The following TNFSF4 variants were observed in gnomAD, a reference collection of about 807,000 sequenced individuals.
The protein encoded by TNFSF4 is TNF superfamily member 4, also known as tumor necrosis factor ligand superfamily member 4.
TNFSF4 carries 4 observed loss-of-function variants against 7.3 expected under a neutral mutation model. The ratio of observed to expected loss-of-function variants is 0.55; its 90% CI spans 0.27 to 1.25. The LOEUF (loss-of-function observed/expected upper bound fraction) is 1.25, where lower values mean the gene tolerates loss of function less well. TNFSF4 is among the 50% of genes most tolerant of loss of function. The pLI is 0.12. For missense variants in TNFSF4, 181 were observed against 208.8 expected (o/e 0.87, Z 0.82); for synonymous variants, 76 against 83.7 (o/e 0.91, Z 0.50).
the TNFSF4 span, among the ~76,000 whole-genome samples, chr1:173,219,785 A>C: frequency 6.6e-6 from 1 of 152,218 alleles, no homozygotes; most frequent in Admixed American, 6.5e-5. Context: ...TTATAAGTGA[A>C]CTAACCCAGG....
At chr1:173,434,894 G>A in the TNFSF4 span, among the ~76,000 whole-genome samples, 3 of 152,188 alleles carry the variant, frequency 2.0e-5, no homozygotes, top group African/African-American at 7.2e-5. Context: ...AATGCCCCAT[G>A]GGACAAAATA....
chr1:173,393,970 T>G, the TNFSF4 span, among the ~76,000 whole-genome samples: 2 of 152,258 alleles, frequency 1.3e-5, no homozygotes, highest in Non-Finnish European at 2.9e-5. Context: ...AAGTTTTATT[T>G]AATTTCATGC....
intron 1 of TNFSF4, among the ~76,000 whole-genome samples, chr1:173,203,380 A>G (rs1371238933): frequency 6.6e-6 from 1 of 152,232 alleles, no homozygotes; most frequent in African/African-American, 2.4e-5. Context: ...TTAATTTTTT[A>G]ATTCTCAAAG....
chr1:173,309,887 T>G, the TNFSF4 span, among the ~76,000 whole-genome samples: 3 of 151,938 alleles, frequency 2.0e-5, no homozygotes, highest in African/African-American at 7.2e-5. Flanking sequence ...TTTCCATTTA[T>G]TTTAGCATAA....
At chr1:173,237,993 C>A in the TNFSF4 span, among the ~76,000 whole-genome samples, 19,759 of 152,100 alleles carry the variant, frequency 0.13, 1,422 homozygotes, top group South Asian at 0.17. Context: ...AATCACATTG[C>A]CCAACTTCAA....
chr1:173,343,772 T>C, the TNFSF4 span, among the ~76,000 whole-genome samples: 18 of 152,150 alleles, frequency 1.2e-4, no homozygotes, highest in East Asian at 3.5e-3. Flanking sequence ...AATAAAAGGA[T>C]GGATGGATGG....
the TNFSF4 span, among the ~76,000 whole-genome samples, chr1:173,244,598 C>CG: frequency 6.9e-6 from 1 of 145,372 alleles, no homozygotes; most frequent in African/African-American, 2.6e-5. Context: ...GCCGAGATCC[C>CG]GCCACTGCAC....
At chr1:173,381,672 C>T in the TNFSF4 span, among the ~76,000 whole-genome samples, 2 of 152,218 alleles carry the variant, frequency 1.3e-5, no homozygotes, top group Non-Finnish European at 2.9e-5. Flanking sequence ...GCTTCTTCTT[C>T]ACCCCTATCC....
chr1:173,205,410 C>A (rs1388575629), intron 1 of TNFSF4: 1 of 1,604,020 alleles, frequency 6.2e-7, no homozygotes, highest in East Asian at 2.2e-5. Flanking sequence ...AGGATCCCCT[C>A]TTTTTCTCAA....
the TNFSF4 span, among the ~76,000 whole-genome samples, chr1:173,324,034 A>G: frequency 3.9e-5 from 6 of 152,206 alleles, no homozygotes; most frequent in Admixed American, 6.5e-5. Flanking sequence ...ACTCCTCGAG[A>G]AGAGCAACTC....
At chr1:173,307,993 T>G in the TNFSF4 span, among the ~76,000 whole-genome samples, 1 of 151,994 alleles carries the variant, frequency 6.6e-6, no homozygotes, top group Non-Finnish European at 1.5e-5. Flanking sequence ...TGGTCAGTGT[T>G]ATTGGACTTT....
At position 173,207,268 on chromosome 1, in the gene TNFSF4, C is replaced by A; in HGVS notation, c.-92G>T. 3 of 1,260,500 alleles carry A rather than the reference C, an allele frequency of 2.4e-6. No individual in the cohort carries two copies. The highest frequency in any genetic ancestry group is 1.5e-5 in the African/African-American group (1 of 66,910). 78.1% of individuals were successfully genotyped at this position (1,260,500 alleles called of 1,614,324 possible). A position where few individuals can be genotyped will look rare whatever the true frequency, so the allele number is the denominator to read the frequency against. Reference sequence around the variant, plus strand: ...TTCCCCAGAAAGAAGGAGGTAAAGACAAAACAAAGCCTATCAATCAGAAAA... The same window carrying A: ...TTCCCCAGAAAGAAGGAGGTAAAGAAAAAACAAAGCCTATCAATCAGAAAA... On this transcript the variant is annotated 5_prime_UTR_variant, in exon 1 of 3. Transcript: ENST00000281834.
At chr1:173,397,882 A>T in the TNFSF4 span, among the ~76,000 whole-genome samples, 1 of 152,144 alleles carries the variant, frequency 6.6e-6, no homozygotes, top group East Asian at 1.9e-4. Context: ...CATTCAACTC[A>T]CCTATTTGGT....
At chr1:173,373,263 G>T in the TNFSF4 span, among the ~76,000 whole-genome samples, 1 of 152,212 alleles carries the variant, frequency 6.6e-6, no homozygotes, top group Non-Finnish European at 1.5e-5. Context: ...CCATCAAAAA[G>T]GTGTAGGAGA....
chr1:173,419,487 G>C, the TNFSF4 span, among the ~76,000 whole-genome samples: 1 of 152,186 alleles, frequency 6.6e-6, no homozygotes, highest in Non-Finnish European at 1.5e-5. Flanking sequence ...GGACTTCCCA[G>C]CCTCCAGAAC....
the TNFSF4 span, among the ~76,000 whole-genome samples, chr1:173,407,500 C>A: frequency 7.6e-6 from 1 of 131,420 alleles, no homozygotes; most frequent in South Asian, 2.3e-4. Flanking sequence ...GTGGAGGTTG[C>A]AATGAGCTGA....
the TNFSF4 span, among the ~76,000 whole-genome samples, chr1:173,299,581 C>T: frequency 6.6e-6 from 1 of 151,908 alleles, no homozygotes; most frequent in Non-Finnish European, 1.5e-5. Flanking sequence ...TACTAAATTG[C>T]ATTGTGTTTT....
chr1:173,348,130 T>C, the TNFSF4 span, among the ~76,000 whole-genome samples: 1 of 152,138 alleles, frequency 6.6e-6, no homozygotes, highest in Non-Finnish European at 1.5e-5. Flanking sequence ...CCTAATATGG[T>C]TTTGCTGTGT....
chr1:173,205,226 A>G, intron 1 of TNFSF4: 1 of 1,534,640 alleles, frequency 6.5e-7, no homozygotes, highest in Non-Finnish European at 8.9e-7. Flanking sequence ...TTTCTTAAGC[A>G]AACAACTCAA....
Sources: allele counts gnomAD v4.1 joint callset (sites outside exome capture counted in the v4.1 genomes callset), GRCh38; gene constraint gnomAD v4.1.1; transcripts MANE v1.5; gene names NCBI Gene and HGNC (gene_info 2026-07-23, HGNC 2026-07-21).